The following TRIM55 variants were observed in gnomAD, a reference collection of about 807,000 sequenced individuals.
TRIM55 encodes the protein tripartite motif containing 55.
Under a neutral mutation model 60.9 loss-of-function variants are expected in TRIM55, and 50 were observed. The observed-to-expected ratio is 0.82, with a 90% CI of 0.65 to 1.04. The LOEUF is 1.04. TRIM55 is among the 50% of genes least tolerant of loss of function. The probability of loss-of-function intolerance (pLI) is 0.00; values close to 1 mark genes in which losing one functional copy is unlikely to be tolerated. For synonymous variants in TRIM55, 237 were observed against 238.1 expected (o/e 1.00, Z 0.04); for missense variants, 681 against 666.9 (o/e 1.02, Z -0.23).
At chr8:66,142,081 G>C (rs1013243390) in intron 4 of TRIM55, among the ~76,000 whole-genome samples, 6 of 152,206 alleles carry the variant, frequency 3.9e-5, no homozygotes, top group Non-Finnish European at 8.8e-5. Context: ...TTACAGTGGG[G>C]ATGATAATAC....
At chr8:66,172,794 A>G (rs556134346) in intron 9 of TRIM55, among the ~76,000 whole-genome samples, 1 of 152,364 alleles carries the variant, frequency 6.6e-6, no homozygotes, top group East Asian at 1.9e-4. Flanking sequence ...GCCTTCAAGA[A>G]AAAGAGGCCA....
chr8:66,133,934 A>AACAC (rs148139671), intron 2 of TRIM55, among the ~76,000 whole-genome samples: 1 of 151,118 alleles, frequency 6.6e-6, no homozygotes, highest in Non-Finnish European at 1.5e-5. Context: ...CACATACACA[A>AACAC]ACACACACAC....
chr8:66,155,505 A>C, intron 9 of TRIM55: 2 of 668,504 alleles, frequency 3.0e-6, no homozygotes, highest in Non-Finnish European at 5.1e-6. Context: ...ACAGTAGTGC[A>C]CTACCCCATG....
chr8:66,143,936 G>A (rs1248837008), intron 4 of TRIM55, among the ~76,000 whole-genome samples: 2 of 152,106 alleles, frequency 1.3e-5, no homozygotes, highest in Admixed American at 6.5e-5. Context: ...TAAAAATCTA[G>A]CCATTTAAAA....
At chr8:66,119,164 G>A in the TRIM55 span, among the ~76,000 whole-genome samples, 2 of 152,254 alleles carry the variant, frequency 1.3e-5, no homozygotes, top group South Asian at 2.1e-4. Flanking sequence ...CACATCATCT[G>A]ATGTTCTTTC....
intron 8 of TRIM55, 98 bp downstream of exon 8, chr8:66,152,725 A>G (rs1205835401): frequency 1.3e-5 from 19 of 1,454,614 alleles, no homozygotes; most frequent in Middle Eastern, 2.5e-4. Flanking sequence ...GAAAAAGATA[A>G]CTATATGCCA....
chr8:66,150,600 A>G (rs529883328), intron 7 of TRIM55, 134 bp downstream of exon 7: 78 of 1,007,858 alleles, frequency 7.7e-5, no homozygotes, highest in Non-Finnish European at 1.0e-4. Context: ...ATCATATCCA[A>G]TGTGAAGCTC....
At chr8:66,153,968 G>A in intron 8 of TRIM55, 79 bp from the exon 9 acceptor site, 3 of 1,415,998 alleles carry the variant, frequency 2.1e-6, no homozygotes, top group Non-Finnish European at 2.8e-6. Flanking sequence ...AAACCCAAAG[G>A]GAACTAAAAT....
chr8:66,157,811 G>T (rs1810828733), intron 9 of TRIM55, among the ~76,000 whole-genome samples: 1 of 152,072 alleles, frequency 6.6e-6, no homozygotes, highest in Non-Finnish European at 1.5e-5. Flanking sequence ...AACAATTTCT[G>T]CTTTATCACA....
At chr8:66,144,698 A>T (rs1028699865) in intron 4 of TRIM55, among the ~76,000 whole-genome samples, 1 of 152,248 alleles carries the variant, frequency 6.6e-6, no homozygotes, top group African/African-American at 2.4e-5. Context: ...GGGGAGGTGT[A>T]TGGCTCCGAA....
intron 9 of TRIM55, among the ~76,000 whole-genome samples, chr8:66,160,966 T>C (rs1484099360): frequency 1.3e-5 from 2 of 152,124 alleles, no homozygotes; most frequent in Non-Finnish European, 2.9e-5. Flanking sequence ...TTCCACTCTA[T>C]GGGTTGTCTA....
intron 9 of TRIM55, among the ~76,000 whole-genome samples, chr8:66,162,482 T>G (rs2128984577): frequency 6.6e-6 from 1 of 152,208 alleles, no homozygotes; most frequent in South Asian, 2.1e-4. Context: ...GTAGTTTTTT[T>G]TTTTTGTAAT....
Position 66,149,878 on chromosome 8 carries a change from G to C in TRIM55, c.837G>C (p.Gln279His), listed in dbSNP as rs1436048395. ...MDEPEMAVFL[Q>H]NAKTLLKKIS... ...AGCCAGAAATGGCAGTGTTTCTGCAGGTAAGTCTCTTTTTGGCACCAAAGT... is the reference window on the plus strand; with the variant it reads ...AGCCAGAAATGGCAGTGTTTCTGCACGTAAGTCTCTTTTTGGCACCAAAGT... The change falls in exon 5 of 10, where the codon CAG becomes CAC. Residue 279 changes from glutamine (Q) to histidine (H), a missense_variant and splice_region_variant. Physicochemically the swap from Gln to His is conservative, Grantham distance 24 (BLOSUM62 0). Coordinates refer to ENST00000315962, the MANE Select transcript of TRIM55 (RefSeq NM_184085.2). The C allele has an allele frequency of 2.5e-6, 4 of 1,610,686 alleles. No individual in the cohort carries two copies. The highest frequency in any genetic ancestry group is 3.4e-6 in the Non-Finnish European group (4 of 1,177,090).
upstream of TRIM55, among the ~76,000 whole-genome samples, chr8:66,125,651 A>T (rs77987133): frequency 7.0e-4 from 106 of 152,348 alleles, no homozygotes; most frequent in African/African-American, 2.4e-3. Context: ...AAACTTTACC[A>T]GTTCCCGTCC....
chr8:66,154,051 AGGTTGTACCCACT>A lies in TRIM55; in HGVS notation c.1244_1256del (p.Val415AlafsTer51). ...AATTTATCTGTCCTGATTAAGGGGG[AGGTTGTACCCACT>A]GGCTCTGAGCAGACCACAGAGTCTG... On this transcript the variant is annotated frameshift_variant, in exon 9 of 10. Coordinates refer to ENST00000315962, the MANE Select transcript of TRIM55 (RefSeq NM_184085.2). LOFTEE classifies it high-confidence loss of function. 1 of 1,603,808 alleles carries A rather than the reference AGGTTGTACCCACT, an allele frequency of 6.2e-7. No homozygotes were observed. The highest frequency in any genetic ancestry group is 8.5e-7 in the Non-Finnish European group (1 of 1,174,974).
intron 9 of TRIM55, among the ~76,000 whole-genome samples, chr8:66,172,788 T>C (rs2128987619): frequency 6.6e-6 from 1 of 152,332 alleles, no homozygotes; most frequent in East Asian, 1.9e-4. Flanking sequence ...GAAACTGCCT[T>C]CAAGAAAAAG....
Position 66,127,276 on chromosome 8 carries a change from C to T in TRIM55, c.8C>T (p.Ala3Val). The T allele has an allele frequency of 6.2e-7, 1 of 1,613,972 alleles. No individual in the cohort carries two copies. The highest frequency in any genetic ancestry group is 8.5e-7 in the Non-Finnish European group (1 of 1,179,892). ...CTTGGGGACAGCGAGGAGATGAGCG[C>T]ATCTCTGAATTACAAATCTTTTTCC... MSASLNYKSFSKE... is the reference protein window; with the variant it reads MSVSLNYKSFSKE... Residue 3 changes from alanine (A) to valine (V), a missense_variant, in exon 1 of 10, where the codon GCA becomes GTA. Coordinates refer to ENST00000315962, the MANE Select transcript of TRIM55 (RefSeq NM_184085.2).
In TRIM55 at chr8:66,174,524, C is replaced by G; in HGVS notation, c.1578C>G (p.Gly526=). Residue 526 remains glycine, a synonymous_variant, in exon 10 of 10, where the codon GGC becomes GGG. Transcript: ENST00000315962. ...GACAGGCTGCAGCTCCAGCGAGTGGCAGTGGAGCTGATTCTGAGCCAGCTC... is the reference window on the plus strand; with the variant it reads ...GACAGGCTGCAGCTCCAGCGAGTGGGAGTGGAGCTGATTCTGAGCCAGCTC... The part of the protein sequence containing the change: ...LQGQAAAPAS[G]SGADSEPARH... 6.2e-7 allele frequency: 1 copy of G among 1,611,972 alleles called. No homozygotes were observed. The highest frequency in any genetic ancestry group is 8.5e-7 in the Non-Finnish European group (1 of 1,179,446).
At chr8:66,172,979 GT>G (rs1331812874) in intron 9 of TRIM55, among the ~76,000 whole-genome samples, 1 of 152,138 alleles carries the variant, frequency 6.6e-6, no homozygotes, top group Non-Finnish European at 1.5e-5. Context: ...TTTTTTGTTT[GT>G]TTGTTTATTA....
Sources: allele counts gnomAD v4.1 joint callset (sites outside exome capture counted in the v4.1 genomes callset), GRCh38; gene constraint gnomAD v4.1.1; transcripts MANE v1.5; gene names NCBI Gene and HGNC (gene_info 2026-07-23, HGNC 2026-07-21).